Variants in MYH6 observed in about 807,000 individuals in gnomAD.
The protein encoded by MYH6 is myosin-6.
Under a neutral mutation model 223.2 loss-of-function variants are expected in MYH6, and 126 were observed. The observed-to-expected ratio is 0.56, with a 90% confidence interval of 0.49 to 0.65. The LOEUF is 0.65. MYH6 is among the 30% of genes least tolerant of loss of function. MYH6 has a pLI of 0.00. For missense variants in MYH6, 2,040 were observed against 2,536.4 expected, an observed-to-expected ratio of 0.80 and a Z score of 4.20; for synonymous variants, 978 against 1,010.2, an observed-to-expected ratio of 0.97 and a Z score of 0.61.
chr14:23,398,641 A>G, intron 15 of MYH6, 87 bp downstream of exon 15: 1 of 1,492,422 alleles, frequency 6.7e-7, no homozygotes, highest in Non-Finnish European at 9.3e-7. Flanking sequence ...GTGCCTGCCT[A>G]TGGAGTCATG....
Position 23,407,528 on chromosome 14 carries a change from G to A in MYH6, c.-14+48C>T. 3.9e-6 allele frequency: 5 copies of A among 1,296,378 alleles called. No individual in the cohort carries two copies. The highest frequency in any genetic ancestry group is 6.6e-5 in the Admixed American group (2 of 30,234). 80.3% of individuals were successfully genotyped at this position (1,296,378 alleles called of 1,614,324 possible). A position where few individuals can be genotyped will look rare whatever the true frequency, so the allele number is the denominator to read the frequency against. On this transcript the variant is annotated intron_variant, in intron 2 of 38. Transcript: ENST00000405093. The surrounding 1 kb of genome is among the most constrained non-coding windows in gnomAD (Gnocchi z 5.6). The stretch of plus-strand genomic sequence containing the variant: ...CCCTGGTCCAGCAATCCGGCTCCCA[G>A]GAGAAGCATGCCCCAGTCTCTGCAG...
chr14:23,402,711 G>A lies in MYH6; in HGVS notation c.988C>T (p.Leu330Phe). The change falls in exon 11 of 39, where the codon CTC (leucine) becomes TTC (phenylalanine). Residue 330 changes from leucine (L) to phenylalanine (F), a missense_variant. Around this residue, in one of 4 missense-constraint regions of MYH6, gnomAD observed 649 missense variants for 877.3 expected, o/e 0.74. Transcript: ENST00000405093. ...SVASIDDSEE[L>F]MATDSAFDVL... ...CCCTCACTCACATCGGTGGCCATGA[G>A]CTCCTCGGAGTCATCAATGGAGGCC... 1 of 1,613,652 alleles carries A rather than the reference G, an allele frequency of 6.2e-7. No homozygotes were observed. Among genetic ancestry groups the A allele is most frequent in the Non-Finnish European group, 8.5e-7 (1 of 1,179,944 alleles).
chr14:23,390,677 G>C (rs1332427332), intron 25 of MYH6, among the ~76,000 whole-genome samples: 1 of 152,104 alleles, frequency 6.6e-6, no homozygotes, highest in Non-Finnish European at 1.5e-5. Flanking sequence ...ATCCTATAAT[G>C]CATAGGCCAT....
rs1321866360 is a variant in MYH6 at position 23,388,740 on chromosome 14, C to T, written c.4175+119G>A. 9 of 1,434,230 alleles carry T rather than the reference C, an allele frequency of 6.3e-6. No homozygotes were observed. The East Asian group carries it at 1.6e-4, about 25-fold the overall frequency. The allele number at this position is 1,434,230 out of a possible 1,614,324, so 88.8% of individuals were successfully genotyped here. ...GCTTTCTTCCAAGCACTTCTGTTGC[C>T]CTCCGAGTTCCTCCTGTCTCTTCCA... On this transcript the variant is annotated intron_variant, in intron 29 of 38. Transcript: ENST00000405093.
chr14:23,382,176 A>C (rs1246560495), intron 38 of MYH6, 113 bp from the exon 39 acceptor site: 2 of 1,188,758 alleles, frequency 1.7e-6, no homozygotes, highest in African/African-American at 3.0e-5. Flanking sequence ...AGGGAGAGGC[A>C]GGGCCCCAGG....
chr14:23,389,766 G>T, intron 26 of MYH6, 47 bp from the exon 27 acceptor site: 1 of 1,613,922 alleles, frequency 6.2e-7, no homozygotes, highest in South Asian at 1.1e-5. Flanking sequence ...GGGCTGAGTC[G>T]ACCAGAGGAA....
intron 12 of MYH6, among the ~76,000 whole-genome samples, chr14:23,401,340 C>A (rs974849340): frequency 2.6e-5 from 4 of 152,236 alleles, no homozygotes; most frequent in African/African-American, 9.6e-5. Flanking sequence ...AGCCTCCTTC[C>A]CTGTCCTGGG....
chr14:23,396,666 C>A (rs201754369), intron 19 of MYH6, 28 bp downstream of exon 19: 10 of 1,613,938 alleles, frequency 6.2e-6, no homozygotes, highest in South Asian at 3.3e-5. Context: ...ACCTGCCCTG[C>A]AACCACCCAG....
In MYH6 at chr14:23,387,519, C is replaced by T. The variant is rs760975924; in HGVS notation, c.4650+10G>A. On this transcript the variant is annotated intron_variant, in intron 32 of 38. Transcript: ENST00000405093. ...ACAGGGATGGGGTGCAGGGAGTTCT[C>T]GGCCCTCACCTCTGCCTCCTCCAGG... 100 of 1,612,648 alleles carry T rather than the reference C, an allele frequency of 6.2e-5. No individual in the cohort carries two copies. The highest frequency in any genetic ancestry group is 2.5e-4 in the Admixed American group (15 of 60,004).
chr14:23,389,909 C>T (rs1891178321), intron 26 of MYH6, 148 bp downstream of exon 26: 2 of 1,538,492 alleles, frequency 1.3e-6, no homozygotes, highest in African/African-American at 2.7e-5. Context: ...GTGAGGAGAG[C>T]CAGAGAGGGG....
intron 8 of MYH6, among the ~76,000 whole-genome samples, 174 bp downstream of exon 8, chr14:23,404,122 A>G (rs1297260810): frequency 1.3e-5 from 2 of 152,238 alleles, no homozygotes; most frequent in Non-Finnish European, 2.9e-5. Flanking sequence ...GGACTTGCTG[A>G]GCAAGTGGAA....
chr14:23,383,335 GTGGGA>G lies in MYH6; in HGVS notation c.5566-20_5566-16del. On this transcript the variant is annotated splice_polypyrimidine_tract_variant and intron_variant, in intron 36 of 38. Transcript: ENST00000405093. ...TCTTCCTCTGTCTGGGGGTGGGAGGGTGGGAGAAGCTGGTTTGGAGGGGGAGCAAA... is the reference window on the plus strand; with the variant it reads ...TCTTCCTCTGTCTGGGGGTGGGAGGGGAAGCTGGTTTGGAGGGGGAGCAAA... 2.0e-6 allele frequency: 1 copy of G among 488,966 alleles called. No homozygotes were observed. Among genetic ancestry groups the G allele is most frequent in the Non-Finnish European group, 4.1e-6 (1 of 243,614 alleles). The allele number at this position is 488,966 out of a possible 1,614,324, so 30.3% of individuals were successfully genotyped here. A position where few individuals can be genotyped will look rare whatever the true frequency, so the allele number is the denominator to read the frequency against.
chr14:23,387,934 A>G lies in MYH6; in HGVS notation c.4360-11T>C. On this transcript the variant is annotated splice_polypyrimidine_tract_variant and intron_variant, in intron 30 of 38. Coordinates refer to ENST00000405093, the MANE Select transcript of MYH6 (RefSeq NM_002471.4). The stretch of plus-strand genomic sequence containing the variant: ...CCACTCGGCCAGGATCTGCCCGGGG[A>G]CAAGGCTCACTCTTCAGCCCCCCAG... 6.2e-7 allele frequency: 1 copy of G among 1,612,960 alleles called. No individual in the cohort carries two copies. The highest frequency in any genetic ancestry group is 2.2e-5 in the East Asian group (1 of 44,860).
chr14:23,401,645 A>G (rs979358371), intron 12 of MYH6, among the ~76,000 whole-genome samples: 16 of 152,154 alleles, frequency 1.1e-4, no homozygotes, highest in African/African-American at 3.4e-4. Flanking sequence ...GAGGGGCTAG[A>G]TGTCCTCTGC....
intron 14 of MYH6, among the ~76,000 whole-genome samples, 198 bp from the exon 15 acceptor site, chr14:23,399,235 C>T (rs2138609906): frequency 6.6e-6 from 1 of 152,272 alleles, no homozygotes; most frequent in East Asian, 1.9e-4. Context: ...CTCCTTTCTG[C>T]CCAGTGGGTC....
rs377485587 is a variant in MYH6, at chr14:23,396,810, T to A, written c.2176A>T (p.Ile726Phe). ...TCAGGGATGGCCACTGGGTTCAGGA[T>A]GCGATACCTGAGGAGGGAAGTGTCC... ...LYGDFRQRYR[I>F]LNPVAIPEGQ... The change falls in exon 19 of 39, where the codon ATC becomes TTC. Residue 726 changes from isoleucine (I) to phenylalanine (F), a missense_variant. By Grantham distance (21) the Ile-to-Phe change is conservative (BLOSUM62 0). Coordinates refer to ENST00000405093, the MANE Select transcript of MYH6 (RefSeq NM_002471.4). 1 of 1,613,844 alleles carries A rather than the reference T, an allele frequency of 6.2e-7. No homozygotes were observed. Among genetic ancestry groups the A allele is most frequent in the African/African-American group, 1.3e-5 (1 of 74,918 alleles).
chr14:23,403,284 A>G lies in MYH6; in HGVS notation c.898+64T>C. 3.7e-6 allele frequency: 5 copies of G among 1,363,348 alleles called. 1 individual carries two copies. Among genetic ancestry groups the G allele is most frequent in the South Asian group, 3.5e-5 (3 of 86,054 alleles). 84.5% of individuals were successfully genotyped at this position (1,363,348 alleles called of 1,614,324 possible). ...GGGGAGCAGGAGGGCCCTGCCCTGC[A>G]TGCAGGAGTCGTTGGGGTGTGCAGC... On this transcript the variant is annotated intron_variant, in intron 10 of 38. Coordinates refer to ENST00000405093, the MANE Select transcript of MYH6 (RefSeq NM_002471.4).
chr14:23,403,658 CA>C, intron 9 of MYH6, 56 bp downstream of exon 9: 1 of 1,504,394 alleles, frequency 6.6e-7, no homozygotes, highest in Non-Finnish European at 9.2e-7. Context: ...GGCCGCCAGG[CA>C]GGGAGAGAAG....
In MYH6 at chr14:23,393,324, A is replaced by G. The variant is rs759951468; in HGVS notation, c.3105+18T>C. On this transcript the variant is annotated intron_variant, in intron 23 of 38. Coordinates refer to ENST00000405093, the MANE Select transcript of MYH6 (RefSeq NM_002471.4). ...AAAATCTTGCTCTGAGAGCAGGAGC[A>G]TGGTTCTTACTACTCACATCATCCA... The G allele has an allele frequency of 3.1e-6, 5 of 1,614,154 alleles. No individual in the cohort carries two copies. Among genetic ancestry groups the G allele is most frequent in the South Asian group, 1.1e-5 (1 of 91,082 alleles).
Sources: gnomAD v4.1 joint callset for allele counts (sites outside exome capture counted in the v4.1 genomes callset) on GRCh38, gnomAD v4.1.1 for gene constraint, gnomAD v4.1.1 regional missense constraint, Gnocchi (gnomAD v3.1) non-coding constraint, MANE v1.5 for transcripts, NCBI Gene and HGNC (gene_info 2026-07-23, HGNC 2026-07-21) for gene names.